Variants in CELF2 observed in about 807,000 individuals in gnomAD.
The protein encoded by CELF2 is CUG triplet repeat RNA-binding protein 2.
Under a neutral mutation model 62.6 loss-of-function variants are expected in CELF2, and 8 were observed. The observed-to-expected ratio is 0.13, with a 90% CI of 0.07 to 0.23. CELF2 has a LOEUF of 0.23. CELF2 is among the 10% of genes least tolerant of loss of function. CELF2 has a pLI of 1.00. For synonymous variants in CELF2, 258 were observed against 250.0 expected, an observed-to-expected ratio of 1.03 and a Z score of -0.30; for missense variants, 333 against 671.0, an observed-to-expected ratio of 0.50 and a Z score of 5.56.
chr10:10,725,964 G>T, the CELF2 span, among the ~76,000 whole-genome samples: 1 of 151,072 alleles, frequency 6.6e-6, no homozygotes, highest in Non-Finnish European at 1.5e-5. Flanking sequence ...GAAATGTAAA[G>T]ATTTGAAACA....
intron 1 of CELF2, among the ~76,000 whole-genome samples, chr10:10,862,366 A>G (rs1246422530): frequency 1.3e-5 from 2 of 152,098 alleles, no homozygotes; most frequent in Non-Finnish European, 2.9e-5. Flanking sequence ...TGGGGTGTGT[A>G]TTCAGTTTGG....
chr10:11,161,083 A>G (rs1184895854), intron 1 of CELF2, among the ~76,000 whole-genome samples: 2 of 152,246 alleles, frequency 1.3e-5, no homozygotes, highest in Non-Finnish European at 2.9e-5. Context: ...GATTTTGCAT[A>G]TACTCTGTTG....
chr10:10,948,032 A>G (rs984864142), intron 2 of CELF2, among the ~76,000 whole-genome samples: 2 of 152,208 alleles, frequency 1.3e-5, no homozygotes, highest in Non-Finnish European at 2.9e-5. Flanking sequence ...TTCTTAATTC[A>G]GAAATTTAAA....
chr10:11,017,992 G>A lies in CELF2; in HGVS notation c.-98G>A, dbSNP rs2057541435. On this transcript the variant is annotated 5_prime_UTR_variant, in exon 1 of 13. Coordinates refer to ENST00000633077, the MANE Select transcript of CELF2 (RefSeq NM_001326342.2). The surrounding 1 kb of genome is among the most constrained non-coding windows in gnomAD (Gnocchi z 5.5). ...GCCGGCTCGGCGGCCGCCGGGGGAG[G>A]CCGCGCGCACCTGTCCCTGCCCGTC... 1.4e-5 allele frequency: 14 copies of A among 997,170 alleles called. 1 individual carries two copies. Among genetic ancestry groups the A allele is most frequent in the Non-Finnish European group, 1.6e-5 (13 of 838,602 alleles). The allele number at this position is 997,170 out of a possible 1,614,324, so 61.8% of individuals were successfully genotyped here.
chr10:11,092,027 T>A (rs538095662), intron 1 of CELF2, among the ~76,000 whole-genome samples: 2 of 152,184 alleles, frequency 1.3e-5, no homozygotes, highest in Non-Finnish European at 2.9e-5. Context: ...GGGATGATCA[T>A]TTCAACTAGA....
At chr10:10,565,118 A>G in the CELF2 span, among the ~76,000 whole-genome samples, 1 of 152,212 alleles carries the variant, frequency 6.6e-6, no homozygotes, top group African/African-American at 2.4e-5. Flanking sequence ...AAAGGGGCTT[A>G]TTTTCTCACT....
At chr10:10,975,553 C>A (rs935222250) in intron 2 of CELF2, among the ~76,000 whole-genome samples, 4 of 152,248 alleles carry the variant, frequency 2.6e-5, no homozygotes, top group Non-Finnish European at 4.4e-5. Flanking sequence ...TTCCTTACTT[C>A]TACAACTGGA....
upstream of CELF2, chr10:11,005,229 AAG>A: frequency 7.1e-7 from 1 of 1,407,304 alleles, no homozygotes; most frequent in Non-Finnish European, 9.6e-7. This position sits in a 1 kb window ranked among gnomAD's most constrained non-coding sequence, Gnocchi z 4.3. Flanking sequence ...TTGACTAGGG[AAG>A]AGAGTGGGAA....
chr10:10,610,889 A>C, the CELF2 span, among the ~76,000 whole-genome samples: 2 of 152,248 alleles, frequency 1.3e-5, no homozygotes, highest in Non-Finnish European at 2.9e-5. Context: ...GATGACAGTC[A>C]AAATGCATAC....
At position 10,990,490 on chromosome 10, in the gene CELF2, T is replaced by C. The variant is rs1181005672; in HGVS notation, c.89+70491T>C. Among the ~76,000 whole-genome samples, 1 of 152,106 alleles carries C rather than the reference T, an allele frequency of 6.6e-6. No individual in the cohort carries two copies. Among genetic ancestry groups the C allele is most frequent in the Non-Finnish European group, 1.5e-5 (1 of 67,994 alleles). ...TTGCTTTTGTAATCATTAAAAACAA[T>C]AAACGTTATTTTTAAGAGAATCATG... On this transcript the variant is annotated intron_variant, in intron 2 of 13. Transcript: ENST00000636488. This position sits in a 1 kb window ranked among gnomAD's most constrained non-coding sequence, Gnocchi z 4.6.
At chr10:10,832,281 AAAAT>A (rs1253816031) in intron 1 of CELF2, among the ~76,000 whole-genome samples, 1 of 151,958 alleles carries the variant, frequency 6.6e-6, no homozygotes, top group Non-Finnish European at 1.5e-5. Context: ...AAAAAAAATA[AAAAT>A]AAATAAATAA....
At chr10:10,965,495 C>T (rs1280979898) in intron 2 of CELF2, among the ~76,000 whole-genome samples, 3 of 152,186 alleles carry the variant, frequency 2.0e-5, no homozygotes, top group Non-Finnish European at 4.4e-5. Context: ...TGTTGAAATT[C>T]AATTCTGGGC....
At chr10:10,540,546 G>T in the CELF2 span, among the ~76,000 whole-genome samples, 1 of 152,162 alleles carries the variant, frequency 6.6e-6, no homozygotes, top group Non-Finnish European at 1.5e-5. Flanking sequence ...CCATACGGTG[G>T]TTCATGACTA....
At chr10:10,487,185 C>T in the CELF2 span, among the ~76,000 whole-genome samples, 5 of 152,302 alleles carry the variant, frequency 3.3e-5, no homozygotes, top group South Asian at 1.0e-3. Context: ...CAAGACAGCT[C>T]TTCTTGGATC....
intron 1 of CELF2, among the ~76,000 whole-genome samples, chr10:11,115,396 G>A (rs1039331244): frequency 3.9e-5 from 6 of 152,146 alleles, no homozygotes; most frequent in Non-Finnish European, 7.4e-5. Flanking sequence ...GAAGAACAGG[G>A]GTCATTAGGA....
the CELF2 span, among the ~76,000 whole-genome samples, chr10:10,710,336 CTCCATTGTCT>C: frequency 6.6e-6 from 1 of 152,182 alleles, no homozygotes; most frequent in Non-Finnish European, 1.5e-5. Flanking sequence ...AGATTTGAGA[CTCCATTGTCT>C]GGGGATAATT....
the CELF2 span, among the ~76,000 whole-genome samples, chr10:10,546,680 T>C: frequency 1.3e-5 from 2 of 152,184 alleles, no homozygotes; most frequent in Non-Finnish European, 2.9e-5. Context: ...TTATATGTTG[T>C]AGGTGAATTA....
the CELF2 span, among the ~76,000 whole-genome samples, chr10:10,699,386 G>C: frequency 6.6e-6 from 1 of 152,342 alleles, no homozygotes; most frequent in Non-Finnish European, 1.5e-5. Flanking sequence ...AGGTGGTAGA[G>C]ATGGGGATAT....
At chr10:11,288,762 A>C (rs2091954610) in intron 9 of CELF2, among the ~76,000 whole-genome samples, 1 of 152,218 alleles carries the variant, frequency 6.6e-6, no homozygotes, top group Non-Finnish European at 1.5e-5. Flanking sequence ...ATATGCAAAA[A>C]AGTTTTCAGT....
Sources: allele counts gnomAD v4.1 joint callset (sites outside exome capture counted in the v4.1 genomes callset), GRCh38; gene constraint gnomAD v4.1.1; non-coding constraint Gnocchi (gnomAD v3.1); transcripts MANE v1.5; gene names NCBI Gene and HGNC (gene_info 2026-07-23, HGNC 2026-07-21).